Variants in BABAM2 observed in about 807,000 individuals in gnomAD.
The protein encoded by BABAM2 is BRISC and BRCA1-A complex member 2.
In BABAM2, 31 loss-of-function variants were observed where a neutral mutation model predicts 54.7. That is an observed-to-expected ratio of 0.57 (90% confidence interval 0.43 to 0.77). BABAM2 has a LOEUF of 0.77. Ranked by LOEUF, BABAM2 falls within the 30% of genes least tolerant of loss-of-function variation. The probability of loss-of-function intolerance (pLI) is 0.00; values close to 1 mark genes in which losing one functional copy is unlikely to be tolerated. For synonymous variants in BABAM2, 167 were observed against 162.9 expected (o/e 1.03, Z -0.19); for missense variants, 364 against 455.8 (o/e 0.80, Z 1.83).
At chr2:27,917,710 A>G (rs1024189487) in intron 2 of BABAM2, among the ~76,000 whole-genome samples, 1 of 152,124 alleles carries the variant, frequency 6.6e-6, no homozygotes, top group African/African-American at 2.4e-5. Context: ...GCACACCCCA[A>G]ATTATTTTAT....
intron 2 of BABAM2, among the ~76,000 whole-genome samples, chr2:27,910,713 C>T (rs971499160): frequency 2.6e-4 from 39 of 152,110 alleles, no homozygotes; most frequent in African/African-American, 9.2e-4. Flanking sequence ...GTTTGTTCAG[C>T]GTTATGTTTG....
At chr2:28,306,483 C>T (rs1688528809) in intron 11 of BABAM2, among the ~76,000 whole-genome samples, 1 of 151,994 alleles carries the variant, frequency 6.6e-6, no homozygotes, top group Non-Finnish European at 1.5e-5. Flanking sequence ...CTATTTCTGG[C>T]AATATTCTTT....
intron 7 of BABAM2, among the ~76,000 whole-genome samples, chr2:28,198,377 A>G (rs889734458): frequency 6.6e-6 from 1 of 152,128 alleles, no homozygotes; most frequent in African/African-American, 2.4e-5. Context: ...CATATTAGCC[A>G]GGACGGTCTC....
rs763934237 is a variant in BABAM2 at position 27,995,860 on chromosome 2, G to A, written c.300+7773G>A. 6.6e-6 allele frequency among the ~76,000 whole-genome samples: 1 copy of A among 152,090 alleles called. No homozygotes were observed. Among genetic ancestry groups the A allele is most frequent in the South Asian group, 2.1e-4 (1 of 4,834 alleles). On this transcript the variant is annotated intron_variant, in intron 4 of 11. Coordinates refer to ENST00000379624, the MANE Select transcript of BABAM2 (RefSeq NM_199191.3). The surrounding 1 kb of genome is among the most constrained non-coding windows in gnomAD (Gnocchi z 4.1). ...CTCCCAAAGTGCTGGGATTACAGGCGTGAGCCACTGCACCTGGCCCCTCAT... is the reference window on the plus strand; with the variant it reads ...CTCCCAAAGTGCTGGGATTACAGGCATGAGCCACTGCACCTGGCCCCTCAT...
intron 2 of BABAM2, among the ~76,000 whole-genome samples, chr2:27,911,741 CTT>C (rs1003637434): frequency 1.3e-5 from 2 of 152,134 alleles, no homozygotes; most frequent in Non-Finnish European, 2.9e-5. Context: ...CACTCCATCT[CTT>C]TTCCTAACCA....
Position 27,936,812 on chromosome 2 carries a change from G to C in BABAM2, c.205+6904G>C, listed in dbSNP as rs1011989335. Among the ~76,000 whole-genome samples, 4 of 152,204 alleles carry C rather than the reference G, an allele frequency of 2.6e-5. No individual in the cohort carries two copies. In the East Asian group the frequency reaches 7.7e-4, roughly 29 times the overall value. Reference sequence around the variant, plus strand: ...GGGGACTGTTGTGGGGTAGGGGCAGGGGGGAGGGATAGCATTAGGAGATAT... The same window carrying C: ...GGGGACTGTTGTGGGGTAGGGGCAGCGGGGAGGGATAGCATTAGGAGATAT... On this transcript the variant is annotated intron_variant, in intron 3 of 11. Transcript: ENST00000379624.
chr2:28,257,831 G>A (rs984604543), intron 10 of BABAM2, among the ~76,000 whole-genome samples: 1 of 152,132 alleles, frequency 6.6e-6, no homozygotes, highest in African/African-American at 2.4e-5. Context: ...GCTGCAGTAA[G>A]CCATGTTCAT....
chr2:27,965,651 A>G (rs758430265), intron 3 of BABAM2, among the ~76,000 whole-genome samples: 1 of 152,146 alleles, frequency 6.6e-6, no homozygotes, highest in Admixed American at 6.5e-5. Flanking sequence ...TTTGGTTGCT[A>G]TATATATACA....
At chr2:27,997,791 T>C (rs565477743) in intron 4 of BABAM2, among the ~76,000 whole-genome samples, 13 of 152,314 alleles carry the variant, frequency 8.5e-5, no homozygotes, top group Middle Eastern at 6.8e-3. Context: ...ATTTACTCTA[T>C]TGAATTTGTA....
intron 5 of BABAM2, among the ~76,000 whole-genome samples, chr2:28,031,228 T>C (rs1258846470): frequency 2.6e-5 from 4 of 152,166 alleles, no homozygotes; most frequent in African/African-American, 9.7e-5. Flanking sequence ...TCTTAGTTGT[T>C]GGGATCTGTG....
chr2:28,113,286 G>T (rs947452052), intron 6 of BABAM2, among the ~76,000 whole-genome samples: 5 of 152,074 alleles, frequency 3.3e-5, no homozygotes, highest in African/African-American at 9.6e-5. Context: ...CCATGCCTGT[G>T]TCCTGATGGA....
chr2:27,965,293 G>T (rs987778806), intron 3 of BABAM2, among the ~76,000 whole-genome samples: 1 of 152,080 alleles, frequency 6.6e-6, no homozygotes, highest in African/African-American at 2.4e-5. Flanking sequence ...AATCTTGGTG[G>T]CAATATGTGG....
At chr2:28,043,135 T>TC (rs1167837663) in intron 5 of BABAM2, among the ~76,000 whole-genome samples, 1 of 151,342 alleles carries the variant, frequency 6.6e-6, no homozygotes, top group Non-Finnish European at 1.5e-5. Flanking sequence ...GAGCATGTTT[T>TC]TTTTTTTTTT....
At chr2:27,946,110 A>C (rs1451420455) in intron 3 of BABAM2, among the ~76,000 whole-genome samples, 1 of 152,136 alleles carries the variant, frequency 6.6e-6, no homozygotes, top group Non-Finnish European at 1.5e-5. Context: ...CCTTATTCGC[A>C]GTCTTAAGAA....
At chr2:28,255,943 GGTGT>G (rs1368162308) in intron 10 of BABAM2, among the ~76,000 whole-genome samples, 1 of 152,174 alleles carries the variant, frequency 6.6e-6, no homozygotes, top group African/African-American at 2.4e-5. Context: ...TGAGATTACA[GGTGT>G]GTGCCACCAC....
intron 6 of BABAM2, among the ~76,000 whole-genome samples, chr2:28,067,037 T>C (rs1465411355): frequency 6.6e-6 from 1 of 152,244 alleles, no homozygotes; most frequent in Non-Finnish European, 1.5e-5. Context: ...GTTCAAATGA[T>C]TCTCCTGCCT....
chr2:28,240,737 G>A (rs932222203), intron 8 of BABAM2, among the ~76,000 whole-genome samples: 8 of 151,910 alleles, frequency 5.3e-5, no homozygotes, highest in African/African-American at 1.7e-4. Context: ...GGGCATAGTG[G>A]CGGACTCCTA....
intron 7 of BABAM2, among the ~76,000 whole-genome samples, chr2:28,138,498 C>T (rs1670739549): frequency 6.6e-6 from 1 of 152,104 alleles, no homozygotes; most frequent in Non-Finnish European, 1.5e-5. Flanking sequence ...CGCACCTTCC[C>T]CTAAAGCAAT....
At chr2:28,116,340 A>G (rs1266070086) in intron 6 of BABAM2, among the ~76,000 whole-genome samples, 1 of 152,214 alleles carries the variant, frequency 6.6e-6, no homozygotes. Flanking sequence ...AGATAACAAT[A>G]TGCAAATCAA....
Sources: allele counts gnomAD v4.1 joint callset (sites outside exome capture counted in the v4.1 genomes callset), GRCh38; gene constraint gnomAD v4.1.1; non-coding constraint Gnocchi (gnomAD v3.1); transcripts MANE v1.5; gene names NCBI Gene and HGNC (gene_info 2026-07-23, HGNC 2026-07-21).